PUS7: variants seen among roughly 807,000 people sequenced by gnomAD.
PUS7 encodes the protein pseudouridine synthase 7.
A neutral mutation model predicts 79.8 loss-of-function variants in PUS7; 48 were observed. The ratio of observed to expected loss-of-function variants is 0.60; its 90% CI spans 0.48 to 0.76. The LOEUF is 0.76. PUS7 is among the 30% of genes least tolerant of loss of function. PUS7 has a pLI of 0.00. For missense variants in PUS7, 729 were observed against 797.6 expected, an observed-to-expected ratio of 0.91 and a Z score of 1.04; for synonymous variants, 286 against 272.2, an observed-to-expected ratio of 1.05 and a Z score of -0.50.
chr7:105,521,873 C>T (rs1332335613), intron 1 of PUS7, among the ~76,000 whole-genome samples, 179 bp downstream of exon 1: 3 of 151,996 alleles, frequency 2.0e-5, no homozygotes, highest in Non-Finnish European at 2.9e-5. Flanking sequence ...TGGGTTCCAA[C>T]CGTGCTCCCG....
intron 9 of PUS7, among the ~76,000 whole-genome samples, chr7:105,476,661 T>C (rs539027122): frequency 6.6e-6 from 1 of 152,308 alleles, no homozygotes; most frequent in East Asian, 1.9e-4. Flanking sequence ...TGGCCTATAA[T>C]TAATTTCTTA....
intron 1 of PUS7, among the ~76,000 whole-genome samples, chr7:105,520,763 T>C (rs73190172): frequency 0.14 from 20,803 of 151,440 alleles, 1,819 homozygotes; most frequent in South Asian, 0.26. Context: ...CAAGGCCGAG[T>C]GTGGTTGCTC....
At chr7:105,521,886 G>A (rs1015979368) in intron 1 of PUS7, among the ~76,000 whole-genome samples, 166 bp downstream of exon 1, 2 of 151,876 alleles carry the variant, frequency 1.3e-5, no homozygotes, top group Admixed American at 6.6e-5. Context: ...TGCTCCCGCT[G>A]GCACGATCCA....
chr7:105,497,589 G>A (rs543466103), intron 5 of PUS7, among the ~76,000 whole-genome samples: 1 of 152,140 alleles, frequency 6.6e-6, no homozygotes, highest in East Asian at 1.9e-4. Context: ...CAAGCCATCT[G>A]CATATAAAAA....
At chr7:105,475,388 T>G (rs372440111) in intron 9 of PUS7, among the ~76,000 whole-genome samples, 6 of 152,006 alleles carry the variant, frequency 3.9e-5, no homozygotes, top group African/African-American at 7.3e-5. Context: ...GGTTTCACTG[T>G]GTTAGCCAGG....
At chr7:105,469,228 TTTTTTC>T (rs539697011) in intron 11 of PUS7, among the ~76,000 whole-genome samples, 39 of 152,088 alleles carry the variant, frequency 2.6e-4, no homozygotes, top group South Asian at 1.9e-3. Flanking sequence ...TAATCTCTCA[TTTTTTC>T]TTTTTCTTTT....
Position 105,465,310 on chromosome 7 carries a change from T to C in PUS7, c.1627+3A>G. 1 of 1,595,854 alleles carries C rather than the reference T, an allele frequency of 6.3e-7. No homozygotes were observed. Among genetic ancestry groups the C allele is most frequent in the Non-Finnish European group, 8.6e-7 (1 of 1,164,460 alleles). ...AACTATTTTCCCCATACAGGGAACT[T>C]ACTTTTATGCTTTGGGTAGATAACA... On this transcript the variant is annotated splice_donor_region_variant and intron_variant, in intron 13 of 15. Coordinates refer to ENST00000469408, the MANE Select transcript of PUS7 (RefSeq NM_019042.5).
chr7:105,467,755 A>G (rs1360774479), intron 12 of PUS7, among the ~76,000 whole-genome samples: 4 of 151,772 alleles, frequency 2.6e-5, no homozygotes, highest in African/African-American at 9.7e-5. Flanking sequence ...CAGGCCGGGC[A>G]CAGTGGCTCA....
At chr7:105,471,550 G>A (rs915964537) in intron 10 of PUS7, among the ~76,000 whole-genome samples, 2 of 152,172 alleles carry the variant, frequency 1.3e-5, no homozygotes, top group Non-Finnish European at 2.9e-5. Flanking sequence ...TGGTGCTCAC[G>A]CCTGTAATCC....
intron 1 of PUS7, among the ~76,000 whole-genome samples, chr7:105,519,309 C>T (rs1826014812): frequency 1.3e-5 from 2 of 151,930 alleles, no homozygotes; most frequent in South Asian, 2.1e-4. Context: ...TCTCGGCTCA[C>T]CGCAATCTCC....
chr7:105,518,627 T>C lies in PUS7; in HGVS notation c.-33+3425A>G, dbSNP rs112953837. Among the ~76,000 whole-genome samples the C allele has an allele frequency of 5.5e-3, 845 of 152,288 alleles. 11 individuals are homozygous for C. Among genetic ancestry groups the C allele is most frequent in the African/African-American group, 0.019 (797 of 41,568 alleles). ...ATGTTGCCCACTAGTCTCAAACTCC[T>C]GAGCTCAAGTGATCTGCCCTGCCTC... On this transcript the variant is annotated intron_variant, in intron 1 of 15. Transcript: ENST00000469408.
chr7:105,480,470 C>T (rs769476954), intron 9 of PUS7, among the ~76,000 whole-genome samples: 16 of 151,318 alleles, frequency 1.1e-4, no homozygotes, highest in Admixed American at 2.6e-4. Flanking sequence ...GATTCCATCT[C>T]AAAAAAATAA....
chr7:105,480,506 G>C (rs1262415663), intron 9 of PUS7, among the ~76,000 whole-genome samples: 1 of 152,116 alleles, frequency 6.6e-6, no homozygotes, highest in Non-Finnish European at 1.5e-5. Context: ...GCTGGGTGTG[G>C]AGGCTCATGC....
intron 7 of PUS7, among the ~76,000 whole-genome samples, chr7:105,483,488 C>G (rs1824414770): frequency 1.3e-5 from 2 of 149,492 alleles, no homozygotes; most frequent in Admixed American, 1.3e-4. Context: ...TTAGTAGAGA[C>G]GGGTTTCACC....
In PUS7 at chr7:105,508,271, T is replaced by G. The variant is rs780706193; in HGVS notation, c.242A>C (p.Glu81Ala). The change falls in exon 2 of 16, where the codon GAG (glutamate) becomes GCG (alanine). Residue 81 changes from glutamate (E) to alanine (A), a missense_variant. Glu to Ala is a moderately radical substitution (Grantham distance 107). Coordinates refer to ENST00000469408, the MANE Select transcript of PUS7 (RefSeq NM_019042.5). ...GKNSEAQLED[E>A]EEEEEDGLSE... Reference sequence around the variant, plus strand: ...AAGTCCATCTTCCTCCTCTTCTTCCTCATCTTCCAACTGAGCCTCAGAATT... The same window carrying G: ...AAGTCCATCTTCCTCCTCTTCTTCCGCATCTTCCAACTGAGCCTCAGAATT... 1 of 1,614,138 alleles carries G rather than the reference T, an allele frequency of 6.2e-7. No individual in the cohort carries two copies. Among genetic ancestry groups the G allele is most frequent in the Admixed American group, 1.7e-5 (1 of 60,002 alleles).
At chr7:105,483,891 T>C (rs1200032276) in intron 7 of PUS7, among the ~76,000 whole-genome samples, 4 of 152,202 alleles carry the variant, frequency 2.6e-5, no homozygotes, top group Non-Finnish European at 5.9e-5. Context: ...TGTCTAGCCT[T>C]GTTTTTCATG....
rs1383760996 is a variant in PUS7 at position 105,506,256 on chromosome 7, A to G, written c.416T>C (p.Val139Ala). The change falls in exon 3 of 16, where the codon GTT (valine) becomes GCT (alanine). Residue 139 changes from valine (V) to alanine (A), a missense_variant. Physicochemically the swap from Val to Ala is moderately conservative, Grantham distance 64. Transcript: ENST00000469408. ...ILKERYSDFV[V>A]HEIGKDGRIS... ...CCGTCCATCTTTTCCTATTTCATGA[A>G]CAACGAAGTCGGAGTATCTGATGAA... 6.2e-7 allele frequency: 1 copy of G among 1,612,336 alleles called. No homozygotes were observed. The highest frequency in any genetic ancestry group is 1.3e-5 in the African/African-American group (1 of 74,876).
At chr7:105,504,586 T>C (rs1825382792) in intron 4 of PUS7, among the ~76,000 whole-genome samples, 1 of 152,200 alleles carries the variant, frequency 6.6e-6, no homozygotes, top group Non-Finnish European at 1.5e-5. Flanking sequence ...TGCCCATAGT[T>C]TATGCCTTTT....
intron 1 of PUS7, among the ~76,000 whole-genome samples, chr7:105,510,582 A>C (rs2697021): frequency 0.33 from 50,125 of 151,352 alleles, 9,391 homozygotes; most frequent in African/African-American, 0.51. Context: ...GGCACGATCT[A>C]GGCTCACTGC....
Sources: allele counts gnomAD v4.1 joint callset (sites outside exome capture counted in the v4.1 genomes callset), GRCh38; gene constraint gnomAD v4.1.1; transcripts MANE v1.5; gene names NCBI Gene and HGNC (gene_info 2026-07-23, HGNC 2026-07-21).